PLXNB1: variants seen among roughly 807,000 people sequenced by gnomAD.
The protein encoded by PLXNB1 is plexin B1.
PLXNB1 carries 106 observed loss-of-function variants against 209.4 expected under a neutral mutation model. The observed-to-expected ratio is 0.51, with a 90% CI of 0.43 to 0.59. The LOEUF is 0.59. Among genes scored for constraint, PLXNB1 ranks in the 20% least tolerant of loss-of-function variants. The pLI is 0.00. For missense variants in PLXNB1, 2,357 were observed against 2,853.2 expected (o/e 0.83, Z 3.96); for synonymous variants, 1,167 against 1,183.2 (o/e 0.99, Z 0.28).
At position 48,410,454 on chromosome 3, in the gene PLXNB1, C is replaced by T. The variant is rs1351948914; in HGVS notation, c.5520+1G>A. On this transcript the variant is annotated splice_donor_variant, in intron 30 of 37. Coordinates refer to ENST00000296440, the MANE Select transcript of PLXNB1 (RefSeq NM_001130082.3). LOFTEE classifies it high-confidence loss of function. The surrounding 1 kb of genome is among the most constrained non-coding windows in gnomAD (Gnocchi z 6.4). ...CCTCCTCCAGCTCCCACTCCTCCTA[C>T]CTTGTAATGCTGCAGTGTGTTCAGG... 1 of 1,613,490 alleles carries T rather than the reference C, an allele frequency of 6.2e-7. No homozygotes were observed. Among genetic ancestry groups the T allele is most frequent in the Non-Finnish European group, 8.5e-7 (1 of 1,179,576 alleles).
chr3:48,405,865 G>C lies in PLXNB1; in HGVS notation c.6229-67C>G. ...GCAGAGAGCCACAGGAGGCAGCCCA[G>C]GACCCCAGGGAAGGGCTGGGGGAGA... is the stretch of plus-strand genomic sequence containing the variant. On this transcript the variant is annotated intron_variant, in intron 36 of 37. Transcript: ENST00000296440. This position sits in a 1 kb window ranked among gnomAD's most constrained non-coding sequence, Gnocchi z 5.0. The C allele has an allele frequency of 7.7e-7, 1 of 1,295,128 alleles. No homozygotes were observed. The highest frequency in any genetic ancestry group is 1.1e-6 in the Non-Finnish European group (1 of 899,500). The allele number at this position is 1,295,128 out of a possible 1,614,324, so 80.2% of individuals were successfully genotyped here.
chr3:48,418,882 G>T lies in PLXNB1; in HGVS notation c.2955+35C>A. 1 of 1,612,412 alleles carries T rather than the reference G, an allele frequency of 6.2e-7. No homozygotes were observed. The highest frequency in any genetic ancestry group is 1.3e-5 in the African/African-American group (1 of 75,020). The stretch of plus-strand genomic sequence containing the variant: ...GCAGCCAGCCTGTGGCCAGTGCAGT[G>T]CACCCGTGCCCACCCAGGCGCTCAT... On this transcript the variant is annotated intron_variant, in intron 13 of 37. Transcript: ENST00000296440. This position sits in a 1 kb window ranked among gnomAD's most constrained non-coding sequence, Gnocchi z 6.6.
At position 48,418,475 on chromosome 3, in the gene PLXNB1, C is replaced by T. The variant is rs756670751; in HGVS notation, c.3023G>A (p.Arg1008His). 35 of 1,612,748 alleles carry T rather than the reference C, an allele frequency of 2.2e-5. 1 individual carries two copies. Among genetic ancestry groups the T allele is most frequent in the South Asian group, 1.5e-4 (14 of 90,996 alleles). ...ATGCAGCCCCTCAGCACTGTCCACA[C>T]GCAGACGGCCGGCCCGACGCAGAAA... is the stretch of plus-strand genomic sequence containing the variant. ...GLFLRRAGRLRVDSAEGLHVV... is the reference protein window; with the variant it reads ...GLFLRRAGRLHVDSAEGLHVV... The change falls in exon 14 of 38, where the codon CGT becomes CAT. Residue 1008 changes from arginine to histidine, a missense_variant. Coordinates refer to ENST00000296440, the MANE Select transcript of PLXNB1 (RefSeq NM_001130082.3). This position sits in a 1 kb window ranked among gnomAD's most constrained non-coding sequence, Gnocchi z 6.6.
At position 48,420,805 on chromosome 3, in the gene PLXNB1, G is replaced by A. The variant is rs780165142; in HGVS notation, c.1920-32C>T. 17 of 1,611,786 alleles carry A rather than the reference G, an allele frequency of 1.1e-5. 1 individual carries two copies. Among genetic ancestry groups the A allele is most frequent in the Middle Eastern group, 1.7e-4 (1 of 6,056 alleles). ...AGAGCACAGCCATGGGGCAAGGGTC[G>A]CCACAGGGAAGCCCAGGCCTGGGGA... On this transcript the variant is annotated intron_variant, in intron 9 of 37. Transcript: ENST00000296440.
rs937370281 is a variant in PLXNB1 at position 48,421,103 on chromosome 3, G to A, written c.1810+125C>T. On this transcript the variant is annotated intron_variant, in intron 8 of 37. Coordinates refer to ENST00000296440, the MANE Select transcript of PLXNB1 (RefSeq NM_001130082.3). ...ACAGAATGGAGGCTTCAGGTGGTTGGGGAGTGGGAGGACCCAGAGAAAGGC... is the reference window on the plus strand; with the variant it reads ...ACAGAATGGAGGCTTCAGGTGGTTGAGGAGTGGGAGGACCCAGAGAAAGGC... 3.3e-5 allele frequency: 43 copies of A among 1,315,936 alleles called. No individual in the cohort carries two copies. In the Middle Eastern group the frequency reaches 1.3e-3, roughly 40 times the overall value. 81.5% of individuals were successfully genotyped at this position (1,315,936 alleles called of 1,614,324 possible).
At position 48,412,621 on chromosome 3, in the gene PLXNB1, CT is replaced by C. The variant is rs1488166172; in HGVS notation, c.4855-2del. 6.2e-7 allele frequency: 1 copy of C among 1,613,122 alleles called. No individual in the cohort carries two copies. The highest frequency in any genetic ancestry group is 1.1e-5 in the South Asian group (1 of 91,080). On this transcript the variant is annotated splice_acceptor_variant, in intron 25 of 37. Coordinates refer to ENST00000296440, the MANE Select transcript of PLXNB1 (RefSeq NM_001130082.3). LOFTEE classifies it high-confidence loss of function. ...GCTGGCTCTCCAGCGTGTGGATGAA[CT>C]GCAGCCAAAGAGAAGGGATGGGAAA... is the stretch of plus-strand genomic sequence containing the variant.
chr3:48,418,304 G>C lies in PLXNB1; in HGVS notation c.3109C>G (p.Pro1037Ala). ...GDCSRCQTAM[P>A]QYGCVWCEGE... ...TCACACCACACACAGCCATACTGGG[G>C]CATGGCAGTTTGGCAGCGGCTGCAG... The change falls in exon 15 of 38, where the codon CCC becomes GCC. Residue 1037 changes from proline (P) to alanine (A), a missense_variant. Pro to Ala is a conservative substitution (Grantham distance 27). Transcript: ENST00000296440. The surrounding 1 kb of genome is among the most constrained non-coding windows in gnomAD (Gnocchi z 6.6). The C allele has an allele frequency of 6.2e-7, 1 of 1,613,796 alleles. No homozygotes were observed. The highest frequency in any genetic ancestry group is 8.5e-7 in the Non-Finnish European group (1 of 1,180,046).
chr3:48,406,561 C>T lies in PLXNB1; in HGVS notation c.6228+262G>A. On this transcript the variant is annotated intron_variant, in intron 36 of 37. Coordinates refer to ENST00000296440, the MANE Select transcript of PLXNB1 (RefSeq NM_001130082.3). The surrounding 1 kb of genome is among the most constrained non-coding windows in gnomAD (Gnocchi z 4.4). ...CCCAGGCAGGCCTGGGGCTGAATCC[C>T]AGCTACCTTGCAAGAGCCTGGCTGA... 1.0e-6 allele frequency: 1 copy of T among 985,410 alleles called. No homozygotes were observed. Among genetic ancestry groups the T allele is most frequent in the Non-Finnish European group, 1.2e-6 (1 of 829,926 alleles). The allele number at this position is 985,410 out of a possible 1,614,324, so 61.0% of individuals were successfully genotyped here. A position where few individuals can be genotyped will look rare whatever the true frequency, so the allele number is the denominator to read the frequency against.
rs748133142 is a variant in PLXNB1, at chr3:48,418,971, G to A, written c.2901C>T (p.Val967=). The stretch of plus-strand genomic sequence containing the variant: ...GGGTATCTGGAGGTGGCTCACACTC[G>A]ACCCGGGCCTCAACCACCACCTCGA... ...EGLEVVVEAR[V]ECEPPPDTQC... is the part of the protein sequence containing the mutation. Residue 967 remains valine, a synonymous_variant, in exon 13 of 38, where the codon GTC becomes GTT. Transcript: ENST00000296440. This position sits in a 1 kb window ranked among gnomAD's most constrained non-coding sequence, Gnocchi z 6.6. The A allele has an allele frequency of 7.4e-6, 12 of 1,613,986 alleles. No individual in the cohort carries two copies. The highest frequency in any genetic ancestry group is 1.0e-5 in the Non-Finnish European group (12 of 1,179,990).
At chr3:48,427,424 T>C (rs1260974436) in intron 1 of PLXNB1, among the ~76,000 whole-genome samples, 2 of 152,102 alleles carry the variant, frequency 1.3e-5, no homozygotes, top group Non-Finnish European at 2.9e-5. Context: ...CTCCTCCATT[T>C]CAGGCACATG....
chr3:48,408,630 C>T (rs1044828653), intron 34 of PLXNB1, among the ~76,000 whole-genome samples: 11 of 152,184 alleles, frequency 7.2e-5, no homozygotes, highest in Non-Finnish European at 1.3e-4. Flanking sequence ...TTCCCTACTT[C>T]CCTACTGGCA....
chr3:48,426,605 C>G (rs972766842), intron 1 of PLXNB1, among the ~76,000 whole-genome samples: 2 of 152,318 alleles, frequency 1.3e-5, no homozygotes. Context: ...GGTCCAGCAG[C>G]CTGGTGGAAG....
Position 48,404,209 on chromosome 3 carries a change from C to T in PLXNB1, c.*277G>A, listed in dbSNP as rs915409886. On this transcript the variant is annotated 3_prime_UTR_variant, in exon 38 of 38. Coordinates refer to ENST00000296440, the MANE Select transcript of PLXNB1 (RefSeq NM_001130082.3). ...GGGCCTGGAGTCTCTTCCAGCCACT[C>T]TCTGGAAGCCCTTAGTCCCCAACTC... The T allele has an allele frequency of 6.8e-6, 3 of 437,986 alleles. No individual in the cohort carries two copies. The highest frequency in any genetic ancestry group is 6.0e-5 in the African/African-American group (3 of 50,360). 27.1% of individuals were successfully genotyped at this position (437,986 alleles called of 1,614,324 possible). A position where few individuals can be genotyped will look rare whatever the true frequency, so the allele number is the denominator to read the frequency against.
chr3:48,418,993 T>C lies in PLXNB1; in HGVS notation c.2879A>G (p.Glu960Gly), dbSNP rs1448797686. Residue 960 changes from glutamate (E) to glycine (G), a missense_variant, in exon 13 of 38, where the codon GAG (glutamate) becomes GGG (glycine). Transcript: ENST00000296440. The surrounding 1 kb of genome is among the most constrained non-coding windows in gnomAD (Gnocchi z 6.6). ...NECVMELEGL[E>G]VVVEARVECE... ...CTCGACCCGGGCCTCAACCACCACC[T>C]CGAGGCCCTCCAGCTCCATCACACA... The C allele has an allele frequency of 1.2e-6, 2 of 1,613,968 alleles. No homozygotes were observed. The highest frequency in any genetic ancestry group is 4.5e-5 in the East Asian group (2 of 44,862).
Position 48,425,292 on chromosome 3 carries a change from G to A in PLXNB1, c.-18C>T, listed in dbSNP as rs1452005239. On this transcript the variant is annotated 5_prime_UTR_variant, in exon 2 of 38. Coordinates refer to ENST00000296440, the MANE Select transcript of PLXNB1 (RefSeq NM_001130082.3). ...GAGGTCAGGCTCACCTGGCAGGGCC[G>A]GCTGGATCAGGAGACAACAGCATGA... 2.6e-5 allele frequency: 4 copies of A among 152,160 alleles called. No homozygotes were observed. The South Asian group carries it at 6.2e-4, about 24-fold the overall frequency. 9.4% of individuals were successfully genotyped at this position (152,160 alleles called of 1,614,324 possible). A position where few individuals can be genotyped will look rare whatever the true frequency, so the allele number is the denominator to read the frequency against.
intron 21 of PLXNB1, 127 bp from the exon 22 acceptor site, chr3:48,414,198 G>A (rs1575390056): frequency 4.9e-6 from 4 of 821,586 alleles, no homozygotes; most frequent in South Asian, 3.0e-5. Flanking sequence ...CACCCTTCCC[G>A]AGTGCAGGCC....
At position 48,415,639 on chromosome 3, in the gene PLXNB1, G is replaced by T. The variant is rs1187140451; in HGVS notation, c.3738C>A (p.Phe1246Leu). The change falls in exon 19 of 38, where the codon TTC (phenylalanine) becomes TTA (leucine). Residue 1246 changes from phenylalanine to leucine, a missense_variant. This residue lies in a region of PLXNB1 where 743 missense variants were observed against 896.2 expected (regional missense o/e 0.83). Coordinates refer to ENST00000296440, the MANE Select transcript of PLXNB1 (RefSeq NM_001130082.3). The surrounding 1 kb of genome is among the most constrained non-coding windows in gnomAD (Gnocchi z 5.0). ...TGATGTTGGGGTCCAAGGTATACTT[G>T]AACTGTCCGCGTTGAAGCCTCCGCT... is the stretch of plus-strand genomic sequence containing the variant. ...ATERRLQRGQ[F>L]KYTLDPNITS... 1 of 1,581,644 alleles carries T rather than the reference G, an allele frequency of 6.3e-7. No individual in the cohort carries two copies. The highest frequency in any genetic ancestry group is 8.6e-7 in the Non-Finnish European group (1 of 1,163,626).
intron 10 of PLXNB1, among the ~76,000 whole-genome samples, 163 bp downstream of exon 10, chr3:48,420,502 C>T (rs893163225): frequency 3.9e-5 from 6 of 152,158 alleles, no homozygotes; most frequent in Admixed American, 6.5e-5. Flanking sequence ...CCAAAACAGG[C>T]GGGATGTATC....
At position 48,409,484 on chromosome 3, in the gene PLXNB1, T is replaced by C. The variant is rs1415765341; in HGVS notation, c.5940-8A>G. The C allele has an allele frequency of 3.1e-6, 5 of 1,613,872 alleles. No individual in the cohort carries two copies. In the South Asian group the frequency reaches 5.5e-5, roughly 18 times the overall value. On this transcript the variant is annotated splice_polypyrimidine_tract_variant and splice_region_variant and intron_variant, in intron 33 of 37. Coordinates refer to ENST00000296440, the MANE Select transcript of PLXNB1 (RefSeq NM_001130082.3). This position sits in a 1 kb window ranked among gnomAD's most constrained non-coding sequence, Gnocchi z 5.8. ...CAGAACCTCAGAGGCAAGCTGCGGG[T>C]GGGGCAGGCATGGCCGATGAATGTG...
Sources: allele counts gnomAD v4.1 joint callset (sites outside exome capture counted in the v4.1 genomes callset), GRCh38; gene constraint gnomAD v4.1.1; regional missense constraint gnomAD v4.1.1; non-coding constraint Gnocchi (gnomAD v3.1); transcripts MANE v1.5; gene names NCBI Gene and HGNC (gene_info 2026-07-23, HGNC 2026-07-21).